DLGAP1: variants seen among roughly 807,000 people sequenced by gnomAD.
DLGAP1 encodes DLG associated protein 1.
Under a neutral mutation model 90.8 loss-of-function variants are expected in DLGAP1, and 11 were observed. The observed-to-expected ratio is 0.12, with a 90% CI of 0.08 to 0.20. The LOEUF (loss-of-function observed/expected upper bound fraction) is 0.20. Ranked by LOEUF, DLGAP1 falls within the 10% of genes least tolerant of loss-of-function variation. The pLI is 1.00. For synonymous variants in DLGAP1, 558 were observed against 540.7 expected (o/e 1.03, Z -0.44); for missense variants, 1,050 against 1,333.8 (o/e 0.79, Z 3.31).
At chr18:3,863,942 T>G (rs11661026) in intron 4 of DLGAP1, among the ~76,000 whole-genome samples, 15,566 of 152,234 alleles carry the variant, frequency 0.1, 957 homozygotes, top group South Asian at 0.18. Flanking sequence ...CTTGGGTACC[T>G]TAGAAAATAA....
At chr18:3,809,679 A>C (rs940021881) in intron 5 of DLGAP1, among the ~76,000 whole-genome samples, 1 of 152,230 alleles carries the variant, frequency 6.6e-6, no homozygotes, top group African/African-American at 2.4e-5. Context: ...GCTTGGATAA[A>C]GAGATGAAGT....
At chr18:3,945,430 T>C (rs1391890833) in intron 3 of DLGAP1, among the ~76,000 whole-genome samples, 1 of 152,212 alleles carries the variant, frequency 6.6e-6, no homozygotes. Flanking sequence ...AAAACACTTA[T>C]AAAATGGTTA....
chr18:3,523,789 A>G (rs532284042), intron 10 of DLGAP1, among the ~76,000 whole-genome samples: 1 of 151,448 alleles, frequency 6.6e-6, no homozygotes, highest in Non-Finnish European at 1.5e-5. Context: ...CGGAGCTTGC[A>G]GTGAGCTGAG....
chr18:4,083,337 A>G (rs540875405), intron 2 of DLGAP1, among the ~76,000 whole-genome samples: 7 of 152,316 alleles, frequency 4.6e-5, no homozygotes, highest in African/African-American at 1.7e-4. Context: ...CTTCATTCTC[A>G]TCTTCCTCTT....
At chr18:3,958,768 G>A (rs1294559686) in intron 3 of DLGAP1, among the ~76,000 whole-genome samples, 1 of 152,162 alleles carries the variant, frequency 6.6e-6, no homozygotes, top group African/African-American at 2.4e-5. Context: ...AGCTTCTCAG[G>A]AGCTGATGAG....
chr18:3,694,944 T>G (rs906671428), intron 7 of DLGAP1, among the ~76,000 whole-genome samples: 4 of 139,746 alleles, frequency 2.9e-5, no homozygotes, highest in African/African-American at 5.6e-5. Context: ...TTTTTGTTTT[T>G]TTTTTTTTTT....
chr18:4,126,436 G>A (rs189058111), intron 2 of DLGAP1, among the ~76,000 whole-genome samples: 1 of 152,208 alleles, frequency 6.6e-6, no homozygotes, highest in African/African-American at 2.4e-5. Flanking sequence ...ATGCACAAAT[G>A]CACAGTTTAA....
intron 1 of DLGAP1, among the ~76,000 whole-genome samples, chr18:4,312,056 G>A (rs2143468544): frequency 6.6e-6 from 1 of 152,184 alleles, no homozygotes; most frequent in Middle Eastern, 3.4e-3. Context: ...TCACCATGTT[G>A]GAAAGGCTGA....
intron 4 of DLGAP1, among the ~76,000 whole-genome samples, chr18:3,870,649 T>A (rs1006942647): frequency 1.3e-5 from 2 of 150,032 alleles, no homozygotes; most frequent in Admixed American, 6.7e-5. Context: ...TCTATCTATC[T>A]ATCAAATAAA....
At chr18:4,448,065 C>T (rs980140339) in intron 1 of DLGAP1, among the ~76,000 whole-genome samples, 8 of 152,262 alleles carry the variant, frequency 5.3e-5, no homozygotes, top group Admixed American at 2.0e-4. Flanking sequence ...TGCACCTCCA[C>T]GTCTATGCAA....
At chr18:4,097,788 C>T (rs1427857046) in intron 2 of DLGAP1, among the ~76,000 whole-genome samples, 1 of 152,230 alleles carries the variant, frequency 6.6e-6, no homozygotes, top group Non-Finnish European at 1.5e-5. Context: ...ATATACTTTC[C>T]CACAGGATGT....
rs937332024 is a variant in DLGAP1, at chr18:4,454,778, C to T, written c.-267+228G>A. On this transcript the variant is annotated intron_variant, in intron 1 of 12. Transcript: ENST00000315677. The surrounding 1 kb of genome is among the most constrained non-coding windows in gnomAD (Gnocchi z 4.7). Reference sequence around the variant, plus strand: ...ACCGCATGGCCGGAGAGGACGCGCTCGCCCCCGAGATCCCAGGTTACCCGG... The same window carrying T: ...ACCGCATGGCCGGAGAGGACGCGCTTGCCCCCGAGATCCCAGGTTACCCGG... Among the ~76,000 whole-genome samples the T allele has an allele frequency of 5.9e-5, 9 of 151,862 alleles. No homozygotes were observed. The highest frequency in any genetic ancestry group is 1.3e-4 in the Admixed American group (2 of 15,270).
chr18:3,600,172 C>T (rs2056815914), intron 7 of DLGAP1, among the ~76,000 whole-genome samples: 1 of 152,176 alleles, frequency 6.6e-6, no homozygotes, highest in South Asian at 2.1e-4. Flanking sequence ...GACATTGTCT[C>T]CTGTTGGAGT....
At chr18:3,604,836 G>C (rs182241987) in intron 7 of DLGAP1, among the ~76,000 whole-genome samples, 146 of 152,270 alleles carry the variant, frequency 9.6e-4, no homozygotes, top group Non-Finnish European at 1.3e-3. Context: ...AAAATGTTAG[G>C]TAGAAAATGT....
chr18:4,296,823 A>G lies in DLGAP1; in HGVS notation c.-266-145536T>C, dbSNP rs139346265. Reference sequence around the variant, plus strand: ...TCTCCCATTACCTGTGCACTGAAAGACAGAGCGGGTGGCATCTGACCAAGC... The same window carrying G: ...TCTCCCATTACCTGTGCACTGAAAGGCAGAGCGGGTGGCATCTGACCAAGC... On this transcript the variant is annotated intron_variant, in intron 1 of 12. Transcript: ENST00000315677. 1.0e-3 allele frequency among the ~76,000 whole-genome samples: 158 copies of G among 152,202 alleles called. 3 individuals are homozygous for G. Among genetic ancestry groups the G allele is most frequent in the African/African-American group, 3.4e-3 (143 of 41,578 alleles).
At chr18:4,182,405 G>A (rs544047206) in intron 1 of DLGAP1, among the ~76,000 whole-genome samples, 1 of 152,214 alleles carries the variant, frequency 6.6e-6, no homozygotes, top group South Asian at 2.1e-4. Context: ...AGGAAACTAC[G>A]TTAGCAAGCT....
At chr18:3,976,191 C>CAATAATAATAAT (rs71160926) in intron 3 of DLGAP1, among the ~76,000 whole-genome samples, 5,509 of 132,710 alleles carry the variant, frequency 0.042, 153 homozygotes, top group East Asian at 0.1. Flanking sequence ...ACTAAAAATA[C>CAATAATAATAAT]AATAATAATA....
intron 1 of DLGAP1, among the ~76,000 whole-genome samples, chr18:4,259,684 T>C (rs1172550635): frequency 6.6e-6 from 1 of 152,184 alleles, no homozygotes; most frequent in African/African-American, 2.4e-5. Context: ...TTACATAGTG[T>C]AACACTCAAT....
chr18:4,090,370 G>A (rs2075756456), intron 2 of DLGAP1, among the ~76,000 whole-genome samples: 1 of 152,002 alleles, frequency 6.6e-6, no homozygotes, highest in Non-Finnish European at 1.5e-5. Context: ...CTAATATCCA[G>A]AATCTACAAG....
Sources: gnomAD v4.1 joint callset for allele counts (sites outside exome capture counted in the v4.1 genomes callset) on GRCh38, gnomAD v4.1.1 for gene constraint, Gnocchi (gnomAD v3.1) non-coding constraint, MANE v1.5 for transcripts, NCBI Gene and HGNC (gene_info 2026-07-23, HGNC 2026-07-21) for gene names.